Variants in FAM163B observed in about 807,000 individuals in gnomAD.
The protein encoded by FAM163B is family with sequence similarity 163 member B.
A neutral mutation model predicts 7.6 loss-of-function variants in FAM163B; 4 were observed. The ratio of observed to expected loss-of-function variants is 0.52; its 90% CI spans 0.26 to 1.20. The LOEUF (loss-of-function observed/expected upper bound fraction) is 1.20. FAM163B is among the 50% of genes most tolerant of loss of function. FAM163B has a pLI of 0.14. For synonymous variants in FAM163B, 120 were observed against 111.6 expected, an observed-to-expected ratio of 1.07 and a Z score of -0.47; for missense variants, 250 against 243.0, an observed-to-expected ratio of 1.03 and a Z score of -0.19.
chr9:133,607,728 T>C (rs1831806983), intron 1 of FAM163B, among the ~76,000 whole-genome samples: 1 of 152,220 alleles, frequency 6.6e-6, no homozygotes, highest in African/African-American at 2.4e-5. Context: ...GGTCTTTTCA[T>C]AGCATCGTGC....
intron 1 of FAM163B, among the ~76,000 whole-genome samples, chr9:133,604,507 C>T (rs1450792831): frequency 6.6e-6 from 1 of 152,164 alleles, no homozygotes; most frequent in African/African-American, 2.4e-5. Context: ...AACCAACCAA[C>T]AAAAGCTGAA....
At chr9:133,585,039 TG>T (rs1014785856) in intron 1 of FAM163B, among the ~76,000 whole-genome samples, 5 of 152,242 alleles carry the variant, frequency 3.3e-5, no homozygotes, top group Admixed American at 2.6e-4. Flanking sequence ...GGTTGTGAGA[TG>T]GGGCTCCCCT....
At chr9:133,592,378 C>G (rs1375935957) in intron 1 of FAM163B, among the ~76,000 whole-genome samples, 1 of 152,172 alleles carries the variant, frequency 6.6e-6, no homozygotes, top group African/African-American at 2.4e-5. Context: ...CAGAATTGAG[C>G]TTGCCCCTGG....
chr9:133,585,122 G>A (rs375441683), intron 1 of FAM163B, among the ~76,000 whole-genome samples: 31 of 152,362 alleles, frequency 2.0e-4, no homozygotes, highest in African/African-American at 7.2e-4. Flanking sequence ...CCTTCTGAGG[G>A]CCCCATCTCG....
At chr9:133,595,400 C>T (rs149363403) in intron 1 of FAM163B, among the ~76,000 whole-genome samples, 1,769 of 152,302 alleles carry the variant, frequency 0.012, 41 homozygotes, top group African/African-American at 0.04. Context: ...CCTCCTGCCT[C>T]GGCCTCCCAA....
intron 1 of FAM163B, among the ~76,000 whole-genome samples, chr9:133,587,851 A>G (rs1312227514): frequency 1.3e-5 from 2 of 151,708 alleles, no homozygotes; most frequent in African/African-American, 4.9e-5. Flanking sequence ...AACTGACCCC[A>G]CTTTCTCAGG....
intron 1 of FAM163B, among the ~76,000 whole-genome samples, chr9:133,605,869 C>T (rs1831783208): frequency 6.6e-6 from 1 of 152,196 alleles, no homozygotes; most frequent in Admixed American, 6.5e-5. Context: ...TTCTTACCAC[C>T]CTGGTCCAGG....
chr9:133,579,042 T>TGCG lies in FAM163B; in HGVS notation c.478_480dup (p.Arg160dup). 6.4e-7 allele frequency: 1 copy of TGCG among 1,561,092 alleles called. No individual in the cohort carries two copies. The highest frequency in any genetic ancestry group is 8.7e-7 in the Non-Finnish European group (1 of 1,155,590). On this transcript the variant is annotated inframe_insertion, in exon 3 of 3. Coordinates refer to ENST00000673969, the MANE Select transcript of FAM163B (RefSeq NM_001080515.3). ...CCAGGTCACACGTCGGTGCTGATGC[T>TGCG]GCGGCTCCTGGCGAAGGCCTCCCGC...
intron 1 of FAM163B, among the ~76,000 whole-genome samples, chr9:133,599,291 C>T (rs1831676540): frequency 6.6e-6 from 1 of 152,190 alleles, no homozygotes; most frequent in African/African-American, 2.4e-5. Flanking sequence ...GACGTGACTT[C>T]AGGGAAGCTT....
At position 133,606,510 on chromosome 9, in the gene FAM163B, GC is replaced by G. The variant is rs1309279369; in HGVS notation, c.-24+2566del. ...GACCACATGCTCTTGGCATCCAAAA[GC>G]CTTTTGGCCAGGCTCACGGTTGCCC... On this transcript the variant is annotated intron_variant, in intron 1 of 2. Coordinates refer to ENST00000673969, the MANE Select transcript of FAM163B (RefSeq NM_001080515.3). This position sits in a 1 kb window ranked among gnomAD's most constrained non-coding sequence, Gnocchi z 4.0. Among the ~76,000 whole-genome samples, 2 of 152,242 alleles carry G rather than the reference GC, an allele frequency of 1.3e-5. No homozygotes were observed. The highest frequency in any genetic ancestry group is 3.8e-4 in the East Asian group (2 of 5,200).
rs779821296 is a variant in FAM163B, at chr9:133,577,921, AGGCTCT to A, written c.*1095_*1100del. ...GATGAGGTCTTCAGATGGCAGCAGT[AGGCTCT>A]GGCTGCTTGGGGTCCACCAGGAGCT... On this transcript the variant is annotated 3_prime_UTR_variant, in exon 3 of 3. Coordinates refer to ENST00000673969, the MANE Select transcript of FAM163B (RefSeq NM_001080515.3). Among the ~76,000 whole-genome samples, 373 of 152,264 alleles carry A rather than the reference AGGCTCT, an allele frequency of 2.4e-3. 2 individuals carry two copies. The highest frequency in any genetic ancestry group is 8.1e-3 in the South Asian group (39 of 4,828).
Position 133,601,362 on chromosome 9 carries a change from A to T in FAM163B, c.-24+7715T>A, listed in dbSNP as rs915773655. Among the ~76,000 whole-genome samples, 3 of 152,242 alleles carry T rather than the reference A, an allele frequency of 2.0e-5. No homozygotes were observed. Among genetic ancestry groups the T allele is most frequent in the Non-Finnish European group, 4.4e-5 (3 of 68,044 alleles). On this transcript the variant is annotated intron_variant, in intron 1 of 2. Coordinates refer to ENST00000673969, the MANE Select transcript of FAM163B (RefSeq NM_001080515.3). The surrounding 1 kb of genome is among the most constrained non-coding windows in gnomAD (Gnocchi z 4.1). ...TTAACATTAATTCTCCTTTTTAAAT[A>T]GATTGGGCTCAGCCATTTTTAAACG...
At chr9:133,586,957 G>A (rs1220379791) in intron 1 of FAM163B, among the ~76,000 whole-genome samples, 1 of 152,138 alleles carries the variant, frequency 6.6e-6, no homozygotes, top group Non-Finnish European at 1.5e-5. Context: ...AGAGTGGTTC[G>A]GCCACTGTCC....
At chr9:133,592,807 A>G (rs1256634416) in intron 1 of FAM163B, among the ~76,000 whole-genome samples, 1 of 152,108 alleles carries the variant, frequency 6.6e-6, no homozygotes, top group East Asian at 1.9e-4. Flanking sequence ...GGTGAGGTCC[A>G]GCAAGCCCCC....
intron 2 of FAM163B, 37 bp downstream of exon 2, chr9:133,580,094 T>C (rs1309887301): frequency 1.3e-6 from 2 of 1,579,934 alleles, no homozygotes; most frequent in African/African-American, 2.7e-5. Context: ...CCTCTGGGCC[T>C]CCCTGCCCTG....
rs771655775 is a variant in FAM163B, at chr9:133,601,583, C to T, written c.-24+7494G>A. Among the ~76,000 whole-genome samples, 4 of 152,232 alleles carry T rather than the reference C, an allele frequency of 2.6e-5. No individual in the cohort carries two copies. Among genetic ancestry groups the T allele is most frequent in the Non-Finnish European group, 5.9e-5 (4 of 68,044 alleles). On this transcript the variant is annotated intron_variant, in intron 1 of 2. Coordinates refer to ENST00000673969, the MANE Select transcript of FAM163B (RefSeq NM_001080515.3). The surrounding 1 kb of genome is among the most constrained non-coding windows in gnomAD (Gnocchi z 4.1). ...CGGGTGCCACATGGGTCAGACGCAG[C>T]TACCCCCCGGACTGCTCCTACACGC...
chr9:133,609,231 G>A lies in FAM163B; in HGVS notation c.-178C>T, dbSNP rs2131268694. On this transcript the variant is annotated 5_prime_UTR_variant, in exon 1 of 3. Transcript: ENST00000673969. ...CTGGTGTGGCTGGGCGGGCGAGGCGGGCGCTGAGAAGCCCGGGAGGCCCCC... is the reference window on the plus strand; with the variant it reads ...CTGGTGTGGCTGGGCGGGCGAGGCGAGCGCTGAGAAGCCCGGGAGGCCCCC... 6.6e-6 allele frequency among the ~76,000 whole-genome samples: 1 copy of A among 151,344 alleles called. No individual in the cohort carries two copies. The highest frequency in any genetic ancestry group is 1.9e-4 in the East Asian group (1 of 5,158).
At position 133,579,291 on chromosome 9, in the gene FAM163B, T is replaced by C. The variant is rs2131208488; in HGVS notation, c.232A>G (p.Thr78Ala). Residue 78 changes from threonine to alanine, a missense_variant, in exon 3 of 3, where the codon ACC becomes GCC. Coordinates refer to ENST00000673969, the MANE Select transcript of FAM163B (RefSeq NM_001080515.3). The stretch of plus-strand genomic sequence containing the variant: ...TGCGGGGACTTCTGGCTGAAGGAGG[T>C]GGAGGCGGTGGGGTAGAGCGCCGGC... ...NGPALYPTAS[T>A]SFSQKSPQAR... 6.2e-7 allele frequency: 1 copy of C among 1,612,724 alleles called. No homozygotes were observed. Among genetic ancestry groups the C allele is most frequent in the East Asian group, 2.2e-5 (1 of 44,846 alleles).
intron 1 of FAM163B, among the ~76,000 whole-genome samples, chr9:133,588,559 A>G (rs367671481): frequency 0.083 from 1 of 12 alleles, no homozygotes; most frequent in Non-Finnish European, 0.17. Context: ...AGGATCTAGC[A>G]TGTTGAGGGA....
Sources: gnomAD v4.1 joint callset for allele counts (sites outside exome capture counted in the v4.1 genomes callset) on GRCh38, gnomAD v4.1.1 for gene constraint, Gnocchi (gnomAD v3.1) non-coding constraint, MANE v1.5 for transcripts, NCBI Gene and HGNC (gene_info 2026-07-23, HGNC 2026-07-21) for gene names.